Variants in MSI2 observed in about 807,000 individuals in gnomAD.
The protein encoded by MSI2 is RNA-binding protein Musashi homolog 2.
Under a neutral mutation model 45.6 loss-of-function variants are expected in MSI2, and 17 were observed. The ratio of observed to expected loss-of-function variants is 0.37; its 90% CI spans 0.26 to 0.56. The LOEUF is 0.56. Among genes scored for constraint, MSI2 ranks in the 20% least tolerant of loss-of-function variants. The probability of loss-of-function intolerance (pLI) is 0.77; values close to 1 mark genes in which losing one functional copy is unlikely to be tolerated. For synonymous variants in MSI2, 156 were observed against 158.2 expected, an observed-to-expected ratio of 0.99 and a Z score of 0.11; for missense variants, 293 against 444.2, an observed-to-expected ratio of 0.66 and a Z score of 3.06.
At chr17:57,456,580 G>A (rs2085119320) in intron 6 of MSI2, among the ~76,000 whole-genome samples, 1 of 151,956 alleles carries the variant, frequency 6.6e-6, no homozygotes, top group South Asian at 2.1e-4. Flanking sequence ...GGGCGACAGA[G>A]CGATCGAGAC....
At chr17:57,426,261 A>G (rs1041755080) in intron 6 of MSI2, among the ~76,000 whole-genome samples, 6 of 152,258 alleles carry the variant, frequency 3.9e-5, no homozygotes, top group African/African-American at 1.4e-4. Context: ...CCTAGACAGG[A>G]TATAGCTGAA....
chr17:57,274,264 C>G (rs1401368598), intron 5 of MSI2: 2 of 152,128 alleles, frequency 1.3e-5, no homozygotes, highest in African/African-American at 4.8e-5. Context: ...TACTTTCTCT[C>G]CAGGTGTTCT....
intron 5 of MSI2, among the ~76,000 whole-genome samples, chr17:57,392,080 C>T (rs1349618275): frequency 6.6e-6 from 1 of 152,206 alleles, no homozygotes; most frequent in Non-Finnish European, 1.5e-5. Flanking sequence ...ATCGGAATGA[C>T]GGCTAGCCAG....
intron 5 of MSI2, among the ~76,000 whole-genome samples, chr17:57,327,166 T>C (rs1168553009): frequency 6.6e-6 from 1 of 152,062 alleles, no homozygotes. Context: ...CCAAGCAACT[T>C]GGGAAGCTGA....
At chr17:57,385,040 C>A (rs562624229) in intron 5 of MSI2, among the ~76,000 whole-genome samples, 2 of 152,176 alleles carry the variant, frequency 1.3e-5, no homozygotes, top group Non-Finnish European at 2.9e-5. Flanking sequence ...TCTCTTAAAT[C>A]TTTTCCCTCT....
chr17:57,472,722 A>G (rs1439425446), intron 6 of MSI2, among the ~76,000 whole-genome samples: 1 of 152,180 alleles, frequency 6.6e-6, no homozygotes, highest in African/African-American at 2.4e-5. Context: ...TGAAACACTC[A>G]GCGTGGATCC....
chr17:57,257,502 T>A lies in MSI2; in HGVS notation c.140T>A (p.Ile47Asn). 1 of 1,595,898 alleles carries A rather than the reference T, an allele frequency of 6.3e-7. No homozygotes were observed. Among genetic ancestry groups the A allele is most frequent in the Non-Finnish European group, 8.6e-7 (1 of 1,166,992 alleles). The stretch of plus-strand genomic sequence containing the variant: ...GACTATTTTAGCAAATTTGGAGAAA[T>A]TAGAGAATGTATGGTCATGAGAGAT... ...LRDYFSKFGE[I>N]RECMVMRDPT... Residue 47 changes from isoleucine (I) to asparagine (N), a missense_variant, in exon 3 of 14, where the codon ATT becomes AAT. Ile to Asn is a moderately radical substitution (Grantham distance 149, BLOSUM62 -3). Transcript: ENST00000284073.
intron 6 of MSI2, among the ~76,000 whole-genome samples, chr17:57,452,498 C>T (rs961246017): frequency 6.6e-6 from 1 of 152,204 alleles, no homozygotes; most frequent in African/African-American, 2.4e-5. Flanking sequence ...GTCCTGGACT[C>T]GTGAGGGGCA....
chr17:57,433,825 T>A (rs142336640), intron 6 of MSI2, among the ~76,000 whole-genome samples: 18 of 152,376 alleles, frequency 1.2e-4, no homozygotes, highest in African/African-American at 4.1e-4. Context: ...TGTTGCGTGT[T>A]CCTCTGGCCC....
chr17:57,523,369 TC>T (rs1449702485), intron 6 of MSI2, among the ~76,000 whole-genome samples: 16 of 152,264 alleles, frequency 1.1e-4, no homozygotes, highest in African/African-American at 3.9e-4. Flanking sequence ...TTTAAAGTTT[TC>T]CTATTCAGCC....
chr17:57,280,968 G>C lies in MSI2; in HGVS notation c.312+18776G>C, dbSNP rs1332771719. 1.3e-5 allele frequency among the ~76,000 whole-genome samples: 2 copies of C among 152,098 alleles called. No homozygotes were observed. Among genetic ancestry groups the C allele is most frequent in the African/African-American group, 4.8e-5 (2 of 41,408 alleles). On this transcript the variant is annotated intron_variant, in intron 5 of 13. Coordinates refer to ENST00000284073, the MANE Select transcript of MSI2 (RefSeq NM_138962.4). The surrounding 1 kb of genome is among the most constrained non-coding windows in gnomAD (Gnocchi z 4.2). ...TGGGGAAAGAGCACTCTGCAATCCA[G>C]GGGCTCTCCCGTGAGTTCTGCCCAG... is the stretch of plus-strand genomic sequence containing the variant.
downstream of MSI2, among the ~76,000 whole-genome samples, chr17:57,685,964 A>G (rs1006208938): frequency 2.6e-5 from 4 of 152,240 alleles, no homozygotes; most frequent in Non-Finnish European, 5.9e-5. Context: ...GGGAGCAGGG[A>G]ACAGGAGCAC....
chr17:57,420,875 C>T (rs11868362), intron 6 of MSI2, among the ~76,000 whole-genome samples: 23,352 of 152,228 alleles, frequency 0.15, 1,862 homozygotes, highest in South Asian at 0.16. Flanking sequence ...AGTAACAAGG[C>T]GGCCTGCAGT....
the MSI2 span, among the ~76,000 whole-genome samples, chr17:57,697,965 TTCAC>T: frequency 6.6e-6 from 1 of 152,002 alleles, no homozygotes; most frequent in Non-Finnish European, 1.5e-5. Flanking sequence ...TACCCATGCC[TTCAC>T]TCCCTCCCTC....
At chr17:57,605,783 A>G (rs1906506751) in intron 8 of MSI2, among the ~76,000 whole-genome samples, 1 of 152,190 alleles carries the variant, frequency 6.6e-6, no homozygotes, top group South Asian at 2.1e-4. Context: ...GCCTCTGCCT[A>G]GAAAAGAAGG....
chr17:57,501,450 C>T (rs2086105162), intron 6 of MSI2, among the ~76,000 whole-genome samples: 1 of 152,192 alleles, frequency 6.6e-6, no homozygotes, highest in Non-Finnish European at 1.5e-5. Flanking sequence ...CACTCTTCAT[C>T]CCACGGCCCT....
In MSI2 at chr17:57,358,192, TGTGTGTGGGGGG is replaced by T. The variant is rs1396732885; in HGVS notation, c.313-43179_313-43168del. On this transcript the variant is annotated intron_variant, in intron 5 of 13. Transcript: ENST00000284073. Reference sequence around the variant, plus strand: ...AGAAAGATCTTCGTGGGTTTTTCTGTGTGTGTGGGGGGGTGTGTGTGTGTGTGTGTGTGTGTT... The same window carrying T: ...AGAAAGATCTTCGTGGGTTTTTCTGTGTGTGTGTGTGTGTGTGTGTGTGTT... Among the ~76,000 whole-genome samples, 24 of 69,354 alleles carry T rather than the reference TGTGTGTGGGGGG, an allele frequency of 3.5e-4. No homozygotes were observed. In the South Asian group the frequency reaches 5.2e-3, roughly 15 times the overall value. The allele number at this position is 69,354 out of a possible 152,430, so 45.5% of individuals were successfully genotyped here.
Position 57,468,609 on chromosome 17 carries a change from G to A in MSI2, c.406-61067G>A, listed in dbSNP as rs562260244. The stretch of plus-strand genomic sequence containing the variant: ...TTTATTGTTGTTACTACTGAAAGTT[G>A]TGGGACTGACATCTCTTGAAGAAGA... On this transcript the variant is annotated intron_variant, in intron 6 of 13. Transcript: ENST00000284073. Among the ~76,000 whole-genome samples the A allele has an allele frequency of 3.3e-5, 5 of 151,680 alleles. No individual in the cohort carries two copies. In the East Asian group the frequency reaches 9.7e-4, roughly 29 times the overall value.
chr17:57,509,861 C>T (rs1312255309), intron 6 of MSI2, among the ~76,000 whole-genome samples: 5 of 152,108 alleles, frequency 3.3e-5, no homozygotes, highest in Non-Finnish European at 7.3e-5. Flanking sequence ...ACTTTCCCAT[C>T]CTTTACGATT....
Sources: gnomAD v4.1 joint callset for allele counts (sites outside exome capture counted in the v4.1 genomes callset) on GRCh38, gnomAD v4.1.1 for gene constraint, Gnocchi (gnomAD v3.1) non-coding constraint, MANE v1.5 for transcripts, NCBI Gene and HGNC (gene_info 2026-07-23, HGNC 2026-07-21) for gene names.